The following FAT3 variants were observed in gnomAD, a reference collection of about 807,000 sequenced individuals.
The protein encoded by FAT3 is protocadherin Fat 3.
FAT3 carries 95 observed loss-of-function variants against 310.2 expected under a neutral mutation model. The ratio of observed to expected loss-of-function variants is 0.31; its 90% confidence interval spans 0.26 to 0.36. The LOEUF (loss-of-function observed/expected upper bound fraction) is 0.36. Among genes scored for constraint, FAT3 ranks in the 10% least tolerant of loss-of-function variants. FAT3 has a pLI of 1.00. For synonymous variants in FAT3, 2,314 were observed against 2,192.9 expected, an observed-to-expected ratio of 1.06 and a Z score of -1.54; for missense variants, 5,408 against 5,715.6, an observed-to-expected ratio of 0.95 and a Z score of 1.74.
At chr11:92,374,732 C>T (rs1949294732) in intron 2 of FAT3, among the ~76,000 whole-genome samples, 2 of 152,162 alleles carry the variant, frequency 1.3e-5, no homozygotes, top group African/African-American at 4.8e-5. Flanking sequence ...CTCCATCATG[C>T]CTGTACCATA....
intron 10 of FAT3, among the ~76,000 whole-genome samples, chr11:92,802,908 C>G (rs1947400144): frequency 6.6e-6 from 1 of 152,154 alleles, no homozygotes; most frequent in African/African-American, 2.4e-5. Flanking sequence ...CACAGTAGAG[C>G]AAATGTGTCA....
intron 4 of FAT3, among the ~76,000 whole-genome samples, chr11:92,732,810 T>TA (rs1389966491): frequency 6.6e-6 from 1 of 152,182 alleles, no homozygotes; most frequent in Non-Finnish European, 1.5e-5. Context: ...GGTTAAGCAC[T>TA]GGGGATACAA....
intron 2 of FAT3, among the ~76,000 whole-genome samples, chr11:92,380,561 G>A (rs1449755941): frequency 6.6e-6 from 1 of 152,152 alleles, no homozygotes; most frequent in Non-Finnish European, 1.5e-5. Context: ...ACACTTCAGA[G>A]ATAATACACA....
At chr11:92,348,174 C>T (rs1359712046) in intron 1 of FAT3, among the ~76,000 whole-genome samples, 2 of 151,502 alleles carry the variant, frequency 1.3e-5, no homozygotes, top group Admixed American at 6.6e-5. Context: ...GATACAAAAG[C>T]CTTAAAAGAT....
rs867917696 is a variant in FAT3 at position 92,556,655 on chromosome 11, G to C, written c.3607+31707G>C. 7.2e-5 allele frequency among the ~76,000 whole-genome samples: 11 copies of C among 152,138 alleles called. 1 individual carries two copies. Among genetic ancestry groups the C allele is most frequent in the Non-Finnish European group, 1.3e-4 (9 of 68,030 alleles). ...TGCTGGAATACTACAAGGAACCTTT[G>C]TTTCATGAACATGCTTAAGTTTCCA... On this transcript the variant is annotated intron_variant, in intron 3 of 27. Coordinates refer to ENST00000525166, the MANE Select transcript of FAT3 (RefSeq NM_001367949.2).
At chr11:92,436,708 A>T (rs1417912891) in intron 2 of FAT3, among the ~76,000 whole-genome samples, 1 of 152,156 alleles carries the variant, frequency 6.6e-6, no homozygotes, top group Admixed American at 6.5e-5. Context: ...CTCTGGCTCG[A>T]TGCCCTGTGC....
rs373765265 is a variant in FAT3 at position 92,844,656 on chromosome 11, G to T, written c.11289G>T (p.Ala3763=). 3 of 1,607,916 alleles carry T rather than the reference G, an allele frequency of 1.9e-6. No individual in the cohort carries two copies. Among genetic ancestry groups the T allele is most frequent in the East Asian group, 4.5e-5 (2 of 44,706 alleles). The change falls in exon 19 of 28, where the codon GCG becomes GCT. Residue 3763 remains alanine, a synonymous_variant. Coordinates refer to ENST00000525166, the MANE Select transcript of FAT3 (RefSeq NM_001367949.2). The part of the protein sequence containing the change: ...CEQGLSLDSH[A]LMTYSTARIS... ...AAGGCTTGTCACTCGATTCCCACGC[G>T]CTCATGACCTACAGCACGGCTCGCA...
At chr11:92,309,953 GT>G (rs1469029948) in intron 1 of FAT3, among the ~76,000 whole-genome samples, 2 of 150,210 alleles carry the variant, frequency 1.3e-5, no homozygotes, top group Middle Eastern at 3.5e-3. Context: ...AGCTTCTCCT[GT>G]TAGATCTCTG....
intron 3 of FAT3, among the ~76,000 whole-genome samples, chr11:92,625,683 G>T (rs112365193): frequency 1.1e-4 from 16 of 152,022 alleles, no homozygotes; most frequent in African/African-American, 3.4e-4. Flanking sequence ...ATGGGGTGAG[G>T]TAGGGTGGGC....
chr11:92,854,368 G>A (rs1381240002), intron 19 of FAT3, among the ~76,000 whole-genome samples: 1 of 152,080 alleles, frequency 6.6e-6, no homozygotes, highest in Non-Finnish European at 1.5e-5. Context: ...GGCAGCTGTG[G>A]CTGTGCCCAG....
chr11:92,872,719 C>G (rs935916116), intron 22 of FAT3, among the ~76,000 whole-genome samples: 8 of 152,112 alleles, frequency 5.3e-5, no homozygotes, highest in African/African-American at 1.9e-4. Flanking sequence ...AGGCTTGGCC[C>G]AATATACAAT....
chr11:92,581,135 A>G (rs1412186953), intron 3 of FAT3, among the ~76,000 whole-genome samples: 1 of 151,896 alleles, frequency 6.6e-6, no homozygotes, highest in Non-Finnish European at 1.5e-5. Context: ...CAGTCCAAAT[A>G]CAAGTCTGGC....
At chr11:92,327,196 T>C (rs1591113084) in intron 1 of FAT3, among the ~76,000 whole-genome samples, 1 of 152,300 alleles carries the variant, frequency 6.6e-6, no homozygotes, top group African/African-American at 2.4e-5. Flanking sequence ...GTAGGCTTCC[T>C]ATTAAAAGGC....
intron 2 of FAT3, among the ~76,000 whole-genome samples, chr11:92,505,615 T>C (rs1953076637): frequency 6.6e-6 from 1 of 152,190 alleles, no homozygotes; most frequent in South Asian, 2.1e-4. Context: ...CCTACTATTT[T>C]AATTAAATAT....
At chr11:92,310,171 G>T (rs549446291) in intron 1 of FAT3, among the ~76,000 whole-genome samples, 1 of 152,116 alleles carries the variant, frequency 6.6e-6, no homozygotes, top group South Asian at 2.1e-4. Context: ...GTAAACTGTG[G>T]GAATAGGAGT....
chr11:92,695,053 C>T (rs914698369), intron 3 of FAT3, among the ~76,000 whole-genome samples: 9 of 152,164 alleles, frequency 5.9e-5, no homozygotes, highest in African/African-American at 2.2e-4. Context: ...CTCACTTCCC[C>T]ACAGCAGGCA....
intron 6 of FAT3, among the ~76,000 whole-genome samples, chr11:92,767,031 T>C (rs1207895007): frequency 1.3e-5 from 2 of 152,072 alleles, no homozygotes; most frequent in Non-Finnish European, 2.9e-5. Context: ...GGTGGATCAC[T>C]TGAGGTCAGA....
chr11:92,325,871 C>G (rs915257243), intron 1 of FAT3, among the ~76,000 whole-genome samples: 3 of 152,242 alleles, frequency 2.0e-5, no homozygotes, highest in African/African-American at 7.2e-5. Flanking sequence ...ACCTCGTGAT[C>G]TGCCCGCCTG....
intron 1 of FAT3, among the ~76,000 whole-genome samples, chr11:92,330,866 G>A (rs1441824240): frequency 2.6e-5 from 4 of 152,040 alleles, no homozygotes; most frequent in Non-Finnish European, 4.4e-5. Flanking sequence ...ATTGAATAAT[G>A]TGAAGTATTT....
Sources: allele counts gnomAD v4.1 joint callset (sites outside exome capture counted in the v4.1 genomes callset), GRCh38; gene constraint gnomAD v4.1.1; transcripts MANE v1.5; gene names NCBI Gene and HGNC (gene_info 2026-07-23, HGNC 2026-07-21).